Variants in KCNH1 observed in about 807,000 individuals in gnomAD.
KCNH1 encodes voltage-gated delayed rectifier potassium channel KCNH1.
Under a neutral mutation model 69.2 loss-of-function variants are expected in KCNH1, and 27 were observed. The observed-to-expected ratio is 0.39, with a 90% CI of 0.29 to 0.54. KCNH1 has a LOEUF of 0.54. Ranked by LOEUF, KCNH1 falls within the 20% of genes least tolerant of loss-of-function variation. The probability of loss-of-function intolerance (pLI) is 0.68; values close to 1 mark genes in which losing one functional copy is unlikely to be tolerated. For synonymous variants in KCNH1, 456 were observed against 487.7 expected, an observed-to-expected ratio of 0.93 and a Z score of 0.86; for missense variants, 798 against 1,261.6, an observed-to-expected ratio of 0.63 and a Z score of 5.57.
At chr1:210,751,860 G>T (rs1683290811) in intron 10 of KCNH1, among the ~76,000 whole-genome samples, 1 of 152,036 alleles carries the variant, frequency 6.6e-6, no homozygotes, top group South Asian at 2.1e-4. Flanking sequence ...AACCATATAA[G>T]AAACCATAGG....
At chr1:211,089,702 GAGCAGAGGTCTCC>G (rs1169370418) in intron 4 of KCNH1, among the ~76,000 whole-genome samples, 1 of 152,186 alleles carries the variant, frequency 6.6e-6, no homozygotes, top group East Asian at 1.9e-4. Flanking sequence ...AAACCACAAG[GAGCAGAGGTCTCC>G]AGCAGAGCTG....
intron 5 of KCNH1, among the ~76,000 whole-genome samples, chr1:211,075,430 G>C (rs1203261614): frequency 2.0e-5 from 3 of 152,146 alleles, no homozygotes; most frequent in Non-Finnish European, 2.9e-5. Context: ...TGGAACTCTG[G>C]AGCCAGGTTA....
At chr1:210,949,817 C>A (rs376728586) in intron 6 of KCNH1, among the ~76,000 whole-genome samples, 1 of 152,192 alleles carries the variant, frequency 6.6e-6, no homozygotes, top group Non-Finnish European at 1.5e-5. Flanking sequence ...ATTCTAAACA[C>A]GGAGCCGCTC....
At chr1:210,696,406 A>G (rs553858763) in intron 10 of KCNH1, among the ~76,000 whole-genome samples, 175 of 152,026 alleles carry the variant, frequency 1.2e-3, no homozygotes, top group Non-Finnish European at 2.1e-3. Flanking sequence ...TAGCCTTTCA[A>G]CTCCAACTCC....
intron 6 of KCNH1, among the ~76,000 whole-genome samples, chr1:211,006,267 A>G (rs546140144): frequency 1.3e-5 from 2 of 152,308 alleles, no homozygotes; most frequent in African/African-American, 4.8e-5. Flanking sequence ...GGGTATTAAG[A>G]GTATGAATAA....
At chr1:210,740,793 C>T (rs1200982395) in intron 10 of KCNH1, among the ~76,000 whole-genome samples, 2 of 145,444 alleles carry the variant, frequency 1.4e-5, no homozygotes, top group Non-Finnish European at 1.5e-5. Flanking sequence ...ACACTTACCA[C>T]GTCTTTTAAA....
At chr1:210,845,845 A>C (rs1685531465) in intron 7 of KCNH1, among the ~76,000 whole-genome samples, 1 of 152,232 alleles carries the variant, frequency 6.6e-6, no homozygotes, top group South Asian at 2.1e-4. Context: ...GTCTCAGCCC[A>C]AAATCTCCTC....
In KCNH1 at chr1:210,882,877, G is replaced by A. The variant is rs142393504; in HGVS notation, c.1462+36763C>T. Among the ~76,000 whole-genome samples, 65 of 152,310 alleles carry A rather than the reference G, an allele frequency of 4.3e-4. No individual in the cohort carries two copies. The Middle Eastern group carries it at 0.01, about 24-fold the overall frequency. On this transcript the variant is annotated intron_variant, in intron 7 of 10. Coordinates refer to ENST00000271751, the MANE Select transcript of KCNH1 (RefSeq NM_172362.3). ...CTCTAAACCTTTTCAGCCCTGAGAAGCAAAAGCGTCATCACATTATCACTC... is the reference window on the plus strand; with the variant it reads ...CTCTAAACCTTTTCAGCCCTGAGAAACAAAAGCGTCATCACATTATCACTC...
At chr1:210,700,481 G>A (rs1681747310) in intron 10 of KCNH1, among the ~76,000 whole-genome samples, 1 of 152,178 alleles carries the variant, frequency 6.6e-6, no homozygotes, top group Non-Finnish European at 1.5e-5. Context: ...GGTTTCAACA[G>A]CACCACAATC....
intron 10 of KCNH1, among the ~76,000 whole-genome samples, chr1:210,751,975 G>T (rs559829688): frequency 2.0e-5 from 3 of 152,252 alleles, no homozygotes; most frequent in African/African-American, 7.2e-5. Context: ...GCAGAAAACA[G>T]AATCTGAGCT....
chr1:211,079,386 C>G (rs1690807954), intron 5 of KCNH1, among the ~76,000 whole-genome samples: 1 of 152,102 alleles, frequency 6.6e-6, no homozygotes, highest in South Asian at 2.1e-4. Context: ...TCTACCAGAG[C>G]TACAAAGAGG....
At chr1:211,014,805 C>A (rs1316113226) in intron 6 of KCNH1, among the ~76,000 whole-genome samples, 2 of 152,168 alleles carry the variant, frequency 1.3e-5, no homozygotes, top group African/African-American at 4.8e-5. Context: ...TCTCTGCACA[C>A]TCCCCCAGAG....
At chr1:211,115,801 A>G (rs982431221) in intron 1 of KCNH1, among the ~76,000 whole-genome samples, 22 of 150,944 alleles carry the variant, frequency 1.5e-4, no homozygotes, top group Admixed American at 1.1e-3. Context: ...TACACTACCC[A>G]AAGTGATCTA....
intron 7 of KCNH1, among the ~76,000 whole-genome samples, chr1:210,897,647 T>C (rs1686899594): frequency 6.6e-6 from 1 of 152,218 alleles, no homozygotes; most frequent in Non-Finnish European, 1.5e-5. Context: ...TGTATTGCTC[T>C]TGCTATGGTT....
At chr1:210,902,035 G>A (rs2102536874) in intron 7 of KCNH1, among the ~76,000 whole-genome samples, 1 of 152,250 alleles carries the variant, frequency 6.6e-6, no homozygotes, top group South Asian at 2.1e-4. Flanking sequence ...GCTACATGTG[G>A]GCAGCTCAGA....
chr1:211,057,502 T>C (rs1329045233), intron 5 of KCNH1, among the ~76,000 whole-genome samples: 2 of 151,682 alleles, frequency 1.3e-5, no homozygotes, highest in African/African-American at 4.8e-5. Flanking sequence ...AGCTGGGTAT[T>C]ATGGCGTTTG....
chr1:210,736,646 A>G (rs1682886920), intron 10 of KCNH1, among the ~76,000 whole-genome samples: 1 of 152,052 alleles, frequency 6.6e-6, no homozygotes, highest in African/African-American at 2.4e-5. Context: ...AGATACAGAG[A>G]AAAAAAACAC....
intron 5 of KCNH1, among the ~76,000 whole-genome samples, chr1:211,022,364 T>C (rs952513400): frequency 2.0e-4 from 30 of 152,150 alleles, no homozygotes; most frequent in African/African-American, 6.0e-4. Flanking sequence ...CTTCAAACTA[T>C]AGAATCGATA....
intron 5 of KCNH1, among the ~76,000 whole-genome samples, chr1:211,049,470 TA>T (rs1690153610): frequency 6.6e-6 from 1 of 152,096 alleles, no homozygotes; most frequent in African/African-American, 2.4e-5. Flanking sequence ...GGCTGAAACA[TA>T]GGGGGTTTTT....
Sources: gnomAD v4.1 joint callset for allele counts (sites outside exome capture counted in the v4.1 genomes callset) on GRCh38, gnomAD v4.1.1 for gene constraint, MANE v1.5 for transcripts, NCBI Gene and HGNC (gene_info 2026-07-23, HGNC 2026-07-21) for gene names.